Variants in ADGRD1 observed in about 807,000 individuals in gnomAD.
ADGRD1 encodes the protein adhesion G protein-coupled receptor D1, also known as G-protein coupled receptor 133.
ADGRD1 carries 77 observed loss-of-function variants against 113.4 expected under a neutral mutation model. The observed-to-expected ratio is 0.68, with a 90% CI of 0.57 to 0.82. ADGRD1 has a LOEUF of 0.82. Among genes scored for constraint, ADGRD1 ranks in the 40% least tolerant of loss-of-function variants. The pLI is 0.00. For synonymous variants in ADGRD1, 474 were observed against 475.0 expected (o/e 1.00, Z 0.03); for missense variants, 1,036 against 1,139.1 (o/e 0.91, Z 1.30).
chr12:130,970,369 T>C (rs1332349856), intron 3 of ADGRD1: 1 of 152,222 alleles, frequency 6.6e-6, no homozygotes, highest in Non-Finnish European at 1.5e-5. Flanking sequence ...ACGCAACCAC[T>C]AGTGATCCAT....
chr12:130,976,389 TC>T (rs1872313656), intron 4 of ADGRD1, among the ~76,000 whole-genome samples: 1 of 152,034 alleles, frequency 6.6e-6, no homozygotes, highest in Non-Finnish European at 1.5e-5. Context: ...GCACAGTGTA[TC>T]TCCAAGTACA....
intron 2 of ADGRD1, chr12:130,962,433 G>T (rs1367413322): frequency 1.3e-5 from 2 of 152,184 alleles, no homozygotes; most frequent in East Asian, 1.9e-4. Flanking sequence ...TAAAGATGAG[G>T]ATTCTGAAGA....
At chr12:130,979,425 A>T (rs897211325) in intron 4 of ADGRD1, among the ~76,000 whole-genome samples, 3 of 152,218 alleles carry the variant, frequency 2.0e-5, no homozygotes, top group Non-Finnish European at 4.4e-5. Context: ...TTGTCACAAG[A>T]CATTTGAAGG....
rs771327524 is a variant in ADGRD1 at position 131,108,692 on chromosome 12, T to C, written c.1888-32T>C. ...CCACGCCCAGGGCCCACCCCAGAGC[T>C]GTCTCACTTCCCATCTCTGGTTAAA... On this transcript the variant is annotated intron_variant, in intron 17 of 24. Transcript: ENST00000261654. 23 of 1,613,948 alleles carry C rather than the reference T, an allele frequency of 1.4e-5. 1 individual carries two copies. The East Asian group carries it at 4.2e-4, about 30-fold the overall frequency.
chr12:131,084,462 TG>T lies in ADGRD1; in HGVS notation c.1548-72del, dbSNP rs1159958348. The T allele has an allele frequency of 1.3e-6, 2 of 1,524,798 alleles. No individual in the cohort carries two copies. The highest frequency in any genetic ancestry group is 1.7e-5 in the Admixed American group (1 of 59,688). 94.5% of individuals were successfully genotyped at this position (1,524,798 alleles called of 1,614,324 possible). On this transcript the variant is annotated intron_variant, in intron 14 of 24. Transcript: ENST00000261654. This position sits in a 1 kb window ranked among gnomAD's most constrained non-coding sequence, Gnocchi z 4.5. The stretch of plus-strand genomic sequence containing the variant: ...CATGAGTTCACGGGGCCATGTGTTA[TG>T]GGGGGTGCTGCTCTCAGTCCCCTGC...
chr12:131,120,735 C>T (rs1444576795), intron 19 of ADGRD1, 112 bp from the exon 20 acceptor site: 1 of 957,558 alleles, frequency 1.0e-6, no homozygotes, highest in African/African-American at 1.6e-5. Context: ...ATGACTGCCC[C>T]AGGTGGACCC....
At chr12:131,018,882 G>A (rs1878963189) in intron 13 of ADGRD1, among the ~76,000 whole-genome samples, 1 of 152,092 alleles carries the variant, frequency 6.6e-6, no homozygotes, top group South Asian at 2.1e-4. Flanking sequence ...CTTTGCTTTT[G>A]GCTCCCGGGT....
Position 131,068,574 on chromosome 12 carries a change from CCT to C in ADGRD1, c.1474-8226_1474-8225del, listed in dbSNP as rs1355858679. Among the ~76,000 whole-genome samples, 5 of 152,284 alleles carry C rather than the reference CCT, an allele frequency of 3.3e-5. No individual in the cohort carries two copies. In the East Asian group the frequency reaches 9.7e-4, roughly 29 times the overall value. Reference sequence around the variant, plus strand: ...TTCCACATACAGGCCTCTATGAACCCCTGACTATTCTCATGCGAAAAACCACA... The same window carrying C: ...TTCCACATACAGGCCTCTATGAACCCGACTATTCTCATGCGAAAAACCACA... On this transcript the variant is annotated intron_variant, in intron 13 of 24. Transcript: ENST00000261654.
chr12:131,032,318 G>A (rs369712986), intron 13 of ADGRD1, among the ~76,000 whole-genome samples: 11 of 152,128 alleles, frequency 7.2e-5, no homozygotes, highest in East Asian at 3.9e-4. Context: ...TGCCACTCGC[G>A]ACCCCGCCTA....
intron 4 of ADGRD1, 110 bp from the exon 5 acceptor site, chr12:130,981,773 TG>T (rs2136595493): frequency 2.7e-6 from 2 of 728,966 alleles, no homozygotes; most frequent in South Asian, 3.9e-5. Context: ...GCCTTTAGAA[TG>T]GGGACAAAAT....
rs906672157 is a variant in ADGRD1, at chr12:131,105,679, G to A, written c.1776-75G>A. 13 of 1,122,924 alleles carry A rather than the reference G, an allele frequency of 1.2e-5. No individual in the cohort carries two copies. In the African/African-American group the frequency reaches 1.7e-4, roughly 15 times the overall value. The allele number at this position is 1,122,924 out of a possible 1,614,324, so 69.6% of individuals were successfully genotyped here. ...TTGGAGGAATGGATATAGGGACTTCGTGGGGCCAGGGAGCCCAGCCTGGGG... is the reference window on the plus strand; with the variant it reads ...TTGGAGGAATGGATATAGGGACTTCATGGGGCCAGGGAGCCCAGCCTGGGG... On this transcript the variant is annotated intron_variant, in intron 16 of 24. Transcript: ENST00000261654.
intron 15 of ADGRD1, chr12:131,091,909 G>C (rs1886933672): frequency 6.6e-6 from 1 of 152,314 alleles, no homozygotes; most frequent in African/African-American, 2.4e-5. Flanking sequence ...GCGCCTTCCT[G>C]ATGTCCGGGT....
At chr12:131,138,111 C>G (rs1410706883) in intron 23 of ADGRD1, 26 bp from the exon 24 acceptor site, 1 of 1,605,090 alleles carries the variant, frequency 6.2e-7, no homozygotes, top group African/African-American at 1.3e-5. Flanking sequence ...TGAAATTGCT[C>G]TCACGATCCC....
At chr12:131,006,982 G>T (rs6486620) in intron 12 of ADGRD1, among the ~76,000 whole-genome samples, 147,932 of 152,318 alleles carry the variant, frequency 0.97, 71,912 homozygotes, top group East Asian at 1. Context: ...GAATGAAAAG[G>T]TGACCCTTCC....
intron 14 of ADGRD1, among the ~76,000 whole-genome samples, chr12:131,083,044 A>G (rs989125134): frequency 3.9e-5 from 6 of 152,222 alleles, no homozygotes; most frequent in South Asian, 2.1e-4. Flanking sequence ...TCTGGTAGAC[A>G]TTGGCCAGAG....
chr12:130,991,170 GCTCT>G, intron 7 of ADGRD1, 92 bp downstream of exon 7: 1 of 1,003,876 alleles, frequency 1.0e-6, no homozygotes, highest in Admixed American at 1.8e-5. Context: ...AGGTGTCTGG[GCTCT>G]CTGTTATCGG....
intron 13 of ADGRD1, among the ~76,000 whole-genome samples, chr12:131,046,404 TCCTCCCTGGTCAGCGCTC>T (rs1200599392): frequency 9.2e-6 from 1 of 108,746 alleles, no homozygotes; most frequent in Non-Finnish European, 1.8e-5. Context: ...CTGGTCAGGG[TCCTCCCTGGTCAGCGCTC>T]CCTCCCTGGT....
At chr12:131,046,266 G>GTC (rs1566061716) in intron 13 of ADGRD1, among the ~76,000 whole-genome samples, 2 of 46,740 alleles carry the variant, frequency 4.3e-5, no homozygotes, top group South Asian at 7.4e-4. Context: ...CCTGGTCAGT[G>GTC]CTCCCTCCCT....
intron 8 of ADGRD1, among the ~76,000 whole-genome samples, chr12:130,995,163 C>T (rs1478094921): frequency 6.6e-6 from 1 of 152,130 alleles, no homozygotes. Flanking sequence ...GTGGGGCTGG[C>T]AGGAGTGAGA....
Sources: gnomAD v4.1 joint callset for allele counts (sites outside exome capture counted in the v4.1 genomes callset) on GRCh38, gnomAD v4.1.1 for gene constraint, Gnocchi (gnomAD v3.1) non-coding constraint, MANE v1.5 for transcripts, NCBI Gene and HGNC (gene_info 2026-07-23, HGNC 2026-07-21) for gene names.